SLC36A3: variants seen among roughly 807,000 people sequenced by gnomAD.
SLC36A3 encodes solute carrier family 36 member 3.
SLC36A3 carries 35 observed loss-of-function variants against 44.3 expected under a neutral mutation model. That is an observed-to-expected ratio of 0.79 (90% confidence interval 0.60 to 1.05). SLC36A3 has a LOEUF of 1.05. SLC36A3 is among the 50% of genes least tolerant of loss of function. SLC36A3 has a pLI of 0.00. For missense variants in SLC36A3, 540 were observed against 578.7 expected, an observed-to-expected ratio of 0.93 and a Z score of 0.69; for synonymous variants, 211 against 227.6, an observed-to-expected ratio of 0.93 and a Z score of 0.66.
intron 5 of SLC36A3, 57 bp downstream of exon 5, chr5:151,288,329 G>T (rs1380277396): frequency 2.2e-6 from 3 of 1,377,822 alleles, no homozygotes; most frequent in African/African-American, 1.5e-5. Flanking sequence ...TGCTAATGTA[G>T]CCTCAGCAGC....
In SLC36A3 at chr5:151,281,059, G is replaced by A. The variant is rs139835925; in HGVS notation, c.1099C>T (p.Leu367=). The A allele has an allele frequency of 2.4e-5, 38 of 1,614,086 alleles. No individual in the cohort carries two copies. The highest frequency in any genetic ancestry group is 3.1e-5 in the Non-Finnish European group (36 of 1,180,046). ...GAGCGGACAGACAGGTCTACAAACA[G>A]TGCCCAGCTCTCTGACACTTGGGAG... ...AISQVSESWA[L]FVDLSVRSAL... Residue 367 remains leucine (L), a synonymous_variant, in exon 9 of 10, where the codon CTG becomes TTG. Transcript: ENST00000335230.
chr5:151,284,623 C>A lies in SLC36A3; in HGVS notation c.797G>T (p.Gly266Val), dbSNP rs1338645590. The A allele has an allele frequency of 6.2e-7, 1 of 1,610,796 alleles. No individual in the cohort carries two copies. Among genetic ancestry groups the A allele is most frequent in the African/African-American group, 1.3e-5 (1 of 74,982 alleles). The change falls in exon 7 of 10, where the codon GGC becomes GTC. Residue 266 changes from glycine to valine, a missense_variant. Coordinates refer to ENST00000335230, the MANE Select transcript of SLC36A3 (RefSeq NM_181774.4). ...FFGTAIFTFE[G>V]VGMVLPLKNQ... is the part of the protein sequence containing the mutation. ...CCCCATCAATCTTACCATACCGACG[C>A]CTTCAAATGTGAAGATGGCTGTACC... is the stretch of plus-strand genomic sequence containing the variant.
Position 151,287,342 on chromosome 5 carries a change from C to G in SLC36A3, c.612G>C (p.Val204=). 3.7e-6 allele frequency: 6 copies of G among 1,614,110 alleles called. No individual in the cohort carries two copies. The highest frequency in any genetic ancestry group is 5.1e-6 in the Non-Finnish European group (6 of 1,180,022). The part of the protein sequence containing the change: ...LIILPFLILL[V]FIQNLKVLSV... ...ACAGCACCTTGAGGTTCTGGATAAACACCAACAGGATCAGGAAGGGCAGGA... is the reference window on the plus strand; with the variant it reads ...ACAGCACCTTGAGGTTCTGGATAAAGACCAACAGGATCAGGAAGGGCAGGA... Residue 204 remains valine (V), a synonymous_variant, in exon 6 of 10, where the codon GTG becomes GTC. Transcript: ENST00000335230.
chr5:151,285,076 C>T (rs1754485108), intron 6 of SLC36A3, among the ~76,000 whole-genome samples: 1 of 152,178 alleles, frequency 6.6e-6, no homozygotes, highest in Non-Finnish European at 1.5e-5. Flanking sequence ...ACCCCCTGCT[C>T]TACTATCTGT....
Position 151,284,098 on chromosome 5 carries a change from A to C in SLC36A3, c.920T>G (p.Met307Arg). Residue 307 changes from methionine (M) to arginine (R), a missense_variant, in exon 8 of 10, where the codon ATG (methionine) becomes AGG (arginine). Transcript: ENST00000335230. ...LYILLGTLGY[M>R]KFGSDTQASI... Reference sequence around the variant, plus strand: ...GGCCTGGGTGTCTGACCCAAACTTCATGTAGCCCAGTGTCCCCAGTAAGAT... The same window carrying C: ...GGCCTGGGTGTCTGACCCAAACTTCCTGTAGCCCAGTGTCCCCAGTAAGAT... The C allele has an allele frequency of 6.2e-7, 1 of 1,614,090 alleles. No homozygotes were observed. Among genetic ancestry groups the C allele is most frequent in the Non-Finnish European group, 8.5e-7 (1 of 1,179,998 alleles).
chr5:151,299,158 TG>T (rs1396433451), intron 1 of SLC36A3, among the ~76,000 whole-genome samples: 1 of 151,240 alleles, frequency 6.6e-6, no homozygotes, highest in Non-Finnish European at 1.5e-5. Context: ...GGATATTTAC[TG>T]GTTTTAGTTT....
Position 151,303,369 on chromosome 5 carries a change from G to A in SLC36A3, c.-15C>T. 1 of 1,610,304 alleles carries A rather than the reference G, an allele frequency of 6.2e-7. No individual in the cohort carries two copies. The highest frequency in any genetic ancestry group is 8.5e-7 in the Non-Finnish European group (1 of 1,177,450). The stretch of plus-strand genomic sequence containing the variant: ...AGCAATGACATCTTCAACACGGTGG[G>A]TAGGTGGCAGAGGCTCAGGGTTAAG... On this transcript the variant is annotated 5_prime_UTR_variant, in exon 1 of 10. Coordinates refer to ENST00000335230, the MANE Select transcript of SLC36A3 (RefSeq NM_181774.4).
rs1285195801 is a variant in SLC36A3 at position 151,296,176 on chromosome 5, T to C, written c.308+4A>G. The C allele has an allele frequency of 1.2e-6, 2 of 1,613,974 alleles. No individual in the cohort carries two copies. The highest frequency in any genetic ancestry group is 1.3e-5 in the African/African-American group (1 of 75,048). ...CTGGAATGAGAGAGAAGCAGGCCTC[T>C]GACCTCTGGCTGAGGTGTTGAGCAC... On this transcript the variant is annotated splice_donor_region_variant and intron_variant, in intron 3 of 9. Coordinates refer to ENST00000335230, the MANE Select transcript of SLC36A3 (RefSeq NM_181774.4).
chr5:151,299,242 CTCTCTCTCTCTCTCTCTCTCTCTATATA>C (rs1482717135), intron 1 of SLC36A3, among the ~76,000 whole-genome samples: 2 of 88,134 alleles, frequency 2.3e-5, no homozygotes, highest in Admixed American at 1.4e-4. Flanking sequence ...CTCTCTCTCT[CTCTCTCTCTCTCTCTCTCTCTCTATATA>C]TATATATATA....
At chr5:151,280,909 TAGG>T in intron 9 of SLC36A3, 102 bp downstream of exon 9, 1 of 1,401,532 alleles carries the variant, frequency 7.1e-7, no homozygotes, top group South Asian at 1.3e-5. Flanking sequence ...TATCCCACCC[TAGG>T]TCACAAAGAA....
rs771196036 is a variant in SLC36A3 at position 151,277,617 on chromosome 5, G to C, written c.1189C>G (p.Leu397Val). The C allele has an allele frequency of 6.2e-7, 1 of 1,614,192 alleles. No individual in the cohort carries two copies. Among genetic ancestry groups the C allele is most frequent in the Non-Finnish European group, 8.5e-7 (1 of 1,180,024 alleles). The change falls in exon 10 of 10, where the codon CTG becomes GTG. Residue 397 changes from leucine (L) to valine (V), a missense_variant. By Grantham distance (32) the Leu-to-Val change is conservative (BLOSUM62 1). Transcript: ENST00000335230. ...GCGCTGCTGCTCACGGAGCCTACCAGGGAGATGACCAAGTCCAGGCGGGGG... is the reference window on the plus strand; with the variant it reads ...GCGCTGCTGCTCACGGAGCCTACCACGGAGATGACCAAGTCCAGGCGGGGG... Reference protein sequence around the residue: ...LIPRLDLVISLVGSVSSSALA... With the variant: ...LIPRLDLVISVVGSVSSSALA...
rs867966840 is a variant in SLC36A3, at chr5:151,296,258, A to G, written c.230T>C (p.Val77Ala). Residue 77 changes from valine (V) to alanine (A), a missense_variant, in exon 3 of 10, where the codon GTC becomes GCC. Coordinates refer to ENST00000335230, the MANE Select transcript of SLC36A3 (RefSeq NM_181774.4). ...GAGGACCCCGATGGCCAGAAGGCTGACAGGACCGACCTGGAGGGGAGAGGA... is the reference window on the plus strand; with the variant it reads ...GAGGACCCCGATGGCCAGAAGGCTGGCAGGACCGACCTGGAGGGGAGAGGA... Reference protein sequence around the residue: ...IKNAGLLVGPVSLLAIGVLTV... With the variant: ...IKNAGLLVGPASLLAIGVLTV... 1.9e-6 allele frequency: 3 copies of G among 1,614,016 alleles called. No individual in the cohort carries two copies. Among genetic ancestry groups the G allele is most frequent in the Middle Eastern group, 3.3e-4 (2 of 6,054 alleles).
At chr5:151,277,744 C>T (rs894952572) in intron 9 of SLC36A3, 83 bp from the exon 10 acceptor site, 53 of 1,497,216 alleles carry the variant, frequency 3.5e-5, no homozygotes, top group Non-Finnish European at 4.6e-5. Flanking sequence ...TTCACAGACA[C>T]CTGAGAGACC....
At chr5:151,289,706 T>C (rs554363725) in intron 4 of SLC36A3, among the ~76,000 whole-genome samples, 19 of 152,332 alleles carry the variant, frequency 1.2e-4, no homozygotes, top group Middle Eastern at 3.4e-3. Flanking sequence ...ATTGCGGGCT[T>C]GTATGATTGC....
At chr5:151,299,264 C>CTCTCTATATA (rs1372309288) in intron 1 of SLC36A3, among the ~76,000 whole-genome samples, 95 of 59,634 alleles carry the variant, frequency 1.6e-3, no homozygotes, top group Non-Finnish European at 2.3e-3. Flanking sequence ...CTCTCTCTCT[C>CTCTCTATATA]TATATATATA....
In SLC36A3 at chr5:151,303,219, C is replaced by T; in HGVS notation, c.128+8G>A. The T allele has an allele frequency of 1.2e-6, 2 of 1,609,104 alleles. No homozygotes were observed. The highest frequency in any genetic ancestry group is 1.7e-6 in the Non-Finnish European group (2 of 1,177,040). On this transcript the variant is annotated splice_region_variant and intron_variant, in intron 1 of 9. Transcript: ENST00000335230. Reference sequence around the variant, plus strand: ...CCTCAGGCCTGGAAGGGCGGTGCGGCCACTTACGATAGTCCAGCTTCTCCA... The same window carrying T: ...CCTCAGGCCTGGAAGGGCGGTGCGGTCACTTACGATAGTCCAGCTTCTCCA...
chr5:151,296,254 G>A lies in SLC36A3; in HGVS notation c.234C>T (p.Ser78=), dbSNP rs935449595. ...KNAGLLVGPV[S]LLAIGVLTVH... ...CGGTGAGGACCCCGATGGCCAGAAG[G>A]CTGACAGGACCGACCTGGAGGGGAG... The change falls in exon 3 of 10, where the codon AGC becomes AGT. Residue 78 remains serine (S), a synonymous_variant. Coordinates refer to ENST00000335230, the MANE Select transcript of SLC36A3 (RefSeq NM_181774.4). 5 of 1,614,016 alleles carry A rather than the reference G, an allele frequency of 3.1e-6. No homozygotes were observed. Among genetic ancestry groups the A allele is most frequent in the Middle Eastern group, 1.6e-4 (1 of 6,062 alleles).
In SLC36A3 at chr5:151,277,482, C is replaced by T. The variant is rs771922223; in HGVS notation, c.1324G>A (p.Gly442Arg). 6.2e-7 allele frequency: 1 copy of T among 1,614,152 alleles called. No individual in the cohort carries two copies. Among genetic ancestry groups the T allele is most frequent in the Admixed American group, 1.7e-5 (1 of 60,018 alleles). The change falls in exon 10 of 10, where the codon GGG becomes AGG. Residue 442 changes from glycine (G) to arginine (R), a missense_variant. Transcript: ENST00000335230. ...DIMISIVGLLGCIFGTYQALY... is the reference protein window; with the variant it reads ...DIMISIVGLLRCIFGTYQALY... ...GCTTGGTATGTCCCAAATATACACC[C>T]TAAAAGGCCCACGATGCTAATCATG...
chr5:151,298,611 T>C lies in SLC36A3; in HGVS notation c.201A>G (p.Ile67Met). The C allele has an allele frequency of 6.2e-7, 1 of 1,614,226 alleles. No homozygotes were observed. The highest frequency in any genetic ancestry group is 8.5e-7 in the Non-Finnish European group (1 of 1,180,034). Reference sequence around the variant, plus strand: ...CTCTTACCAACAAGCCGGCATTCTTTATGGCCAGGGGAAGCCCCAGGAGCC... The same window carrying C: ...CTCTTACCAACAAGCCGGCATTCTTCATGGCCAGGGGAAGCCCCAGGAGCC... ...GTGLLGLPLAIKNAGLLVGPV... is the reference protein window; with the variant it reads ...GTGLLGLPLAMKNAGLLVGPV... Residue 67 changes from isoleucine (I) to methionine (M), a missense_variant, in exon 2 of 10, where the codon ATA becomes ATG. Transcript: ENST00000335230.
Sources: allele counts gnomAD v4.1 joint callset (sites outside exome capture counted in the v4.1 genomes callset), GRCh38; gene constraint gnomAD v4.1.1; transcripts MANE v1.5; gene names NCBI Gene and HGNC (gene_info 2026-07-23, HGNC 2026-07-21).